CDADC1: variants seen among roughly 807,000 people sequenced by gnomAD.
The protein encoded by CDADC1 is cytidine and dCMP deaminase domain containing 1.
In CDADC1, 39 loss-of-function variants were observed where a neutral mutation model predicts 54.9. That is an observed-to-expected ratio of 0.71 (90% CI 0.55 to 0.93). CDADC1 has a LOEUF of 0.93. Ranked by LOEUF, CDADC1 falls within the 40% of genes least tolerant of loss-of-function variation. CDADC1 has a pLI of 0.00. For missense variants in CDADC1, 518 were observed against 618.8 expected, an observed-to-expected ratio of 0.84 and a Z score of 1.73; for synonymous variants, 186 against 204.0, an observed-to-expected ratio of 0.91 and a Z score of 0.75.
rs538319347 is a variant in CDADC1 at position 49,292,830 on chromosome 13, C to T, written c.*1073C>T. ...CATGAGAAATGTCTTCCTGGATCTG[C>T]GGTGGTCAGGTTTGCCTCTGCTTTT... On this transcript the variant is annotated 3_prime_UTR_variant, in exon 10 of 10. Coordinates refer to ENST00000251108, the MANE Select transcript of CDADC1 (RefSeq NM_030911.4). 272 of 1,269,240 alleles carry T rather than the reference C, an allele frequency of 2.1e-4. 5 individuals are homozygous for T. The South Asian group carries it at 3.1e-3, about 15-fold the overall frequency. 78.6% of individuals were successfully genotyped at this position (1,269,240 alleles called of 1,614,324 possible). A position where few individuals can be genotyped will look rare whatever the true frequency, so the allele number is the denominator to read the frequency against.
intron 5 of CDADC1, 50 bp downstream of exon 5, chr13:49,268,109 T>C (rs1213769910): frequency 7.2e-7 from 1 of 1,384,592 alleles, no homozygotes; most frequent in Non-Finnish European, 1.0e-6. Context: ...GTTGTATTTG[T>C]CTCTGAAGTG....
chr13:49,262,115 G>A (rs1952700045), intron 4 of CDADC1, among the ~76,000 whole-genome samples: 1 of 152,160 alleles, frequency 6.6e-6, no homozygotes, highest in Non-Finnish European at 1.5e-5. Flanking sequence ...GTGGACTCCT[G>A]ATGGTCCACG....
At chr13:49,249,861 C>T (rs1334382591) in intron 2 of CDADC1, among the ~76,000 whole-genome samples, 1 of 152,190 alleles carries the variant, frequency 6.6e-6, no homozygotes, top group East Asian at 1.9e-4. Flanking sequence ...TTCTCATTTT[C>T]CTCCATGCTT....
In CDADC1 at chr13:49,292,660, A is replaced by T. The variant is rs1411243273; in HGVS notation, c.*903A>T. On this transcript the variant is annotated 3_prime_UTR_variant, in exon 10 of 10. Coordinates refer to ENST00000251108, the MANE Select transcript of CDADC1 (RefSeq NM_030911.4). ...CAAGAATAAATACTGAAAGTCTTGA[A>T]AGTATGGTCATTTCAGCTATTCCAG... is the stretch of plus-strand genomic sequence containing the variant. 46 of 1,205,156 alleles carry T rather than the reference A, an allele frequency of 3.8e-5. No individual in the cohort carries two copies. The highest frequency in any genetic ancestry group is 4.5e-5 in the Non-Finnish European group (43 of 951,292). The allele number at this position is 1,205,156 out of a possible 1,614,324, so 74.7% of individuals were successfully genotyped here.
intron 7 of CDADC1, among the ~76,000 whole-genome samples, chr13:49,280,228 T>A (rs1000410645): frequency 6.6e-6 from 1 of 152,174 alleles, no homozygotes; most frequent in Non-Finnish European, 1.5e-5. Context: ...ATCTTCCTGA[T>A]TTCATTTATT....
At chr13:49,263,329 T>G (rs1353203078) in intron 4 of CDADC1, among the ~76,000 whole-genome samples, 1 of 152,202 alleles carries the variant, frequency 6.6e-6, no homozygotes, top group African/African-American at 2.4e-5. Context: ...CCACTTAGAC[T>G]CTTTTGATGG....
chr13:49,290,325 A>G (rs1008907108), intron 9 of CDADC1, among the ~76,000 whole-genome samples: 4 of 151,888 alleles, frequency 2.6e-5, no homozygotes, highest in Non-Finnish European at 5.9e-5. Context: ...CTTTTGGGGC[A>G]GTAAGTTCAT....
chr13:49,257,309 ATT>A (rs558518946), intron 3 of CDADC1, among the ~76,000 whole-genome samples: 1 of 149,540 alleles, frequency 6.7e-6, no homozygotes, highest in Non-Finnish European at 1.5e-5. Context: ...GATAGGAACA[ATT>A]TTTTTTTTTA....
At position 49,267,681 on chromosome 13, in the gene CDADC1, T is replaced by C; in HGVS notation, c.622T>C (p.Tyr208His). ...GGTGCAGTTTGTAGAGGAGACCTCT[T>C]ACAAATGTGACTTTATTCAAAAAAT... ...YMVQFVEETS[Y>H]KCDFIQKITK... Residue 208 changes from tyrosine to histidine, a missense_variant, in exon 5 of 10, where the codon TAC (tyrosine) becomes CAC (histidine). By Grantham distance (83) the Tyr-to-His change is moderately conservative (BLOSUM62 2). Coordinates refer to ENST00000251108, the MANE Select transcript of CDADC1 (RefSeq NM_030911.4). The C allele has an allele frequency of 6.2e-7, 1 of 1,613,418 alleles. No homozygotes were observed. Among genetic ancestry groups the C allele is most frequent in the Non-Finnish European group, 8.5e-7 (1 of 1,179,800 alleles).
chr13:49,291,170 G>T (rs1227904401), intron 9 of CDADC1, among the ~76,000 whole-genome samples: 154 of 142,176 alleles, frequency 1.1e-3, no homozygotes, highest in Middle Eastern at 3.6e-3. Flanking sequence ...TCAGTTTTTG[G>T]TTTTTTTTTT....
At chr13:49,257,553 G>A (rs1952573997) in intron 3 of CDADC1, among the ~76,000 whole-genome samples, 2 of 152,142 alleles carry the variant, frequency 1.3e-5, no homozygotes, top group South Asian at 4.1e-4. Flanking sequence ...GGCGGATCAC[G>A]AGATCCAGAG....
intron 2 of CDADC1, among the ~76,000 whole-genome samples, chr13:49,250,039 A>G (rs895464321): frequency 2.0e-5 from 3 of 152,230 alleles, no homozygotes; most frequent in Non-Finnish European, 4.4e-5. Flanking sequence ...GGGGTGGGGC[A>G]GAAAATTACA....
chr13:49,289,386 C>T (rs1953631818), intron 9 of CDADC1, among the ~76,000 whole-genome samples: 2 of 151,978 alleles, frequency 1.3e-5, no homozygotes, highest in South Asian at 2.1e-4. Context: ...CCTTGGCCTC[C>T]GAAAGTGCTG....
intron 8 of CDADC1, among the ~76,000 whole-genome samples, chr13:49,282,077 C>T (rs1054735516): frequency 6.6e-6 from 1 of 152,068 alleles, no homozygotes; most frequent in Non-Finnish European, 1.5e-5. Flanking sequence ...CTCGGCCACC[C>T]AAAGTGCTGG....
At chr13:49,281,895 C>A (rs1208369274) in intron 8 of CDADC1, among the ~76,000 whole-genome samples, 4 of 151,818 alleles carry the variant, frequency 2.6e-5, no homozygotes, top group African/African-American at 9.7e-5. Flanking sequence ...CGGGTTCCAG[C>A]GATTCTCCTG....
chr13:49,248,684 G>A lies in CDADC1; in HGVS notation c.83-187G>A, dbSNP rs78073533. 4.6e-3 allele frequency among the ~76,000 whole-genome samples: 704 copies of A among 152,252 alleles called. 12 individuals carry two copies. The East Asian group carries it at 0.048, about 10-fold the overall frequency. On this transcript the variant is annotated intron_variant, in intron 1 of 9. Coordinates refer to ENST00000251108, the MANE Select transcript of CDADC1 (RefSeq NM_030911.4). The stretch of plus-strand genomic sequence containing the variant: ...AGGCTCAACTTTTTAAGTGGAGAAG[G>A]AGGTAGCCACGACTAAGGCTGAAGC...
At chr13:49,258,976 T>C (rs2138202917) in intron 3 of CDADC1, among the ~76,000 whole-genome samples, 1 of 152,350 alleles carries the variant, frequency 6.6e-6, no homozygotes, top group East Asian at 1.9e-4. Flanking sequence ...GGCTTTATAT[T>C]CTTTATTACC....
At chr13:49,287,019 C>T (rs7988621) in intron 9 of CDADC1, among the ~76,000 whole-genome samples, 45,046 of 152,058 alleles carry the variant, frequency 0.3, 6,792 homozygotes, top group East Asian at 0.5. Flanking sequence ...GGTGAAACCT[C>T]GTCTCCACTA....
rs145428085 is a variant in CDADC1, at chr13:49,257,245, C to T, written c.252+1332C>T. Among the ~76,000 whole-genome samples the T allele has an allele frequency of 4.7e-3, 714 of 152,202 alleles. 4 individuals carry two copies. Among genetic ancestry groups the T allele is most frequent in the African/African-American group, 0.016 (652 of 41,518 alleles). The stretch of plus-strand genomic sequence containing the variant: ...TAGACAAAAAAGTGATAAATAAACT[C>T]GACCCAAAAGATTGTTCTAATAACA... On this transcript the variant is annotated intron_variant, in intron 3 of 9. Transcript: ENST00000251108.
Sources: gnomAD v4.1 joint callset for allele counts (sites outside exome capture counted in the v4.1 genomes callset) on GRCh38, gnomAD v4.1.1 for gene constraint, MANE v1.5 for transcripts, NCBI Gene and HGNC (gene_info 2026-07-23, HGNC 2026-07-21) for gene names.